The following AGTPBP1 variants were observed in gnomAD, a reference collection of about 807,000 sequenced individuals.
The protein encoded by AGTPBP1 is cytosolic carboxypeptidase 1.
Under a neutral mutation model 143.9 loss-of-function variants are expected in AGTPBP1, and 70 were observed. That is an observed-to-expected ratio of 0.49 (90% CI 0.40 to 0.59). The LOEUF (loss-of-function observed/expected upper bound fraction) is 0.59. AGTPBP1 is among the 20% of genes least tolerant of loss of function. AGTPBP1 has a pLI of 0.00. For missense variants in AGTPBP1, 1,229 were observed against 1,464.5 expected (o/e 0.84, Z 2.62); for synonymous variants, 463 against 500.2 (o/e 0.93, Z 0.99).
In AGTPBP1 at chr9:85,592,516, T is replaced by C. The variant is rs780390213; in HGVS notation, c.2568+44A>G. ...AACTAAACTCAATTTTCTTCCATTA[T>C]CTTATACATATCCATATAATACAAT... On this transcript the variant is annotated intron_variant, in intron 19 of 25. Coordinates refer to ENST00000357081, the MANE Select transcript of AGTPBP1 (RefSeq NM_001330701.2). The C allele has an allele frequency of 1.2e-5, 17 of 1,404,400 alleles. No individual in the cohort carries two copies. In the East Asian group the frequency reaches 3.9e-4, roughly 33 times the overall value. The allele number at this position is 1,404,400 out of a possible 1,614,324, so 87.0% of individuals were successfully genotyped here.
intron 23 of AGTPBP1, among the ~76,000 whole-genome samples, chr9:85,580,425 G>A (rs1398498798): frequency 6.6e-6 from 1 of 151,154 alleles, no homozygotes; most frequent in South Asian, 2.1e-4. Flanking sequence ...TTGAGATGGA[G>A]TCTCGCACTG....
chr9:85,723,640 T>A (rs946176571), intron 1 of AGTPBP1, among the ~76,000 whole-genome samples: 2 of 152,226 alleles, frequency 1.3e-5, no homozygotes, highest in African/African-American at 4.8e-5. Flanking sequence ...CCCTGACCCC[T>A]TGCGCTTCCC....
the AGTPBP1 span, among the ~76,000 whole-genome samples, chr9:85,767,593 AC>A: frequency 6.6e-6 from 1 of 151,666 alleles, no homozygotes; most frequent in Non-Finnish European, 1.5e-5. Context: ...TGATCCACCC[AC>A]CTCGGCCTCC....
chr9:85,717,816 T>G (rs1837813499), intron 1 of AGTPBP1, among the ~76,000 whole-genome samples: 1 of 152,094 alleles, frequency 6.6e-6, no homozygotes, highest in African/African-American at 2.4e-5. Flanking sequence ...CTCCTAATGC[T>G]ATCCCTCCCA....
chr9:85,579,605 C>T (rs999583306), intron 23 of AGTPBP1, among the ~76,000 whole-genome samples: 1 of 141,300 alleles, frequency 7.1e-6, no homozygotes, highest in South Asian at 2.3e-4. Flanking sequence ...GTGTGTGGGG[C>T]GAGGGGGGGG....
At chr9:85,751,535 C>T in the AGTPBP1 span, among the ~76,000 whole-genome samples, 1 of 152,242 alleles carries the variant, frequency 6.6e-6, no homozygotes, top group South Asian at 2.1e-4. Context: ...TGACTCATGG[C>T]GTCCTTCCTG....
intron 25 of AGTPBP1, among the ~76,000 whole-genome samples, chr9:85,550,235 T>C (rs1480860920): frequency 6.6e-6 from 1 of 151,804 alleles, no homozygotes; most frequent in African/African-American, 2.4e-5. Flanking sequence ...TCAGGGGATC[T>C]GGAAGGAGCT....
the AGTPBP1 span, chr9:85,781,139 C>T: frequency 4.5e-5 from 66 of 1,458,638 alleles, no homozygotes; most frequent in Non-Finnish European, 5.5e-5. Flanking sequence ...AAGAAACAAA[C>T]AAAAACATAA....
At chr9:85,797,032 G>T in the AGTPBP1 span, among the ~76,000 whole-genome samples, 1 of 152,018 alleles carries the variant, frequency 6.6e-6, no homozygotes, top group Non-Finnish European at 1.5e-5. Flanking sequence ...TGATCTGCCC[G>T]CCTCGGCCTC....
intron 2 of AGTPBP1, among the ~76,000 whole-genome samples, chr9:85,705,389 C>A (rs567321426): frequency 6.6e-6 from 1 of 151,958 alleles, no homozygotes; most frequent in South Asian, 2.1e-4. Context: ...AAGCAGGCAG[C>A]CAGGTAGCCA....
At chr9:85,643,073 G>T in intron 12 of AGTPBP1, 130 bp from the exon 13 acceptor site, 1 of 625,264 alleles carries the variant, frequency 1.6e-6, no homozygotes, top group South Asian at 2.1e-5. Context: ...AATAAATACT[G>T]CATTAATTTT....
At chr9:85,645,116 T>C (rs759621832) in intron 12 of AGTPBP1, among the ~76,000 whole-genome samples, 2 of 152,180 alleles carry the variant, frequency 1.3e-5, no homozygotes, top group African/African-American at 2.4e-5. Context: ...TATGTACTTA[T>C]ACAACCTGTA....
rs1367692957 is a variant in AGTPBP1, at chr9:85,741,932, CGGCGCTGGAGGCGGCGGA to C, written c.-209_-192del. 10 of 1,313,490 alleles carry C rather than the reference CGGCGCTGGAGGCGGCGGA, an allele frequency of 7.6e-6. No homozygotes were observed. Among genetic ancestry groups the C allele is most frequent in the Non-Finnish European group, 9.7e-6 (10 of 1,035,850 alleles). 81.4% of individuals were successfully genotyped at this position (1,313,490 alleles called of 1,614,324 possible). On this transcript the variant is annotated 5_prime_UTR_variant, in exon 1 of 26. Transcript: ENST00000357081. ...GCGGCGGCGGCGGCAGCTGCGGCGG[CGGCGCTGGAGGCGGCGGA>C]ACCTGTCCGCATCCCGGGCAACGTC...
intron 1 of AGTPBP1, among the ~76,000 whole-genome samples, chr9:85,721,558 T>G (rs541730943): frequency 2.0e-5 from 3 of 152,048 alleles, no homozygotes; most frequent in East Asian, 3.9e-4. Context: ...TTTAGTCTAT[T>G]TGTGTCTTTG....
intron 14 of AGTPBP1, among the ~76,000 whole-genome samples, chr9:85,623,229 T>A (rs1564073877): frequency 6.6e-6 from 1 of 151,916 alleles, no homozygotes; most frequent in Non-Finnish European, 1.5e-5. Context: ...CACCAGAAAC[T>A]TGGACTTGTT....
At chr9:85,714,393 C>T (rs963700032) in intron 1 of AGTPBP1, among the ~76,000 whole-genome samples, 1 of 152,140 alleles carries the variant, frequency 6.6e-6, no homozygotes, top group Non-Finnish European at 1.5e-5. Flanking sequence ...GCTTTTTCTA[C>T]TGTAATTGGT....
chr9:85,646,320 C>A lies in AGTPBP1; in HGVS notation c.1185+1G>T. The stretch of plus-strand genomic sequence containing the variant: ...AACTAATTACAGAAATTTATACTAA[C>A]CTTAAAATTTTGATCTAGGTCATCT... On this transcript the variant is annotated splice_donor_variant, in intron 12 of 25. Coordinates refer to ENST00000357081, the MANE Select transcript of AGTPBP1 (RefSeq NM_001330701.2). LOFTEE classifies it high-confidence loss of function. 6.2e-7 allele frequency: 1 copy of A among 1,608,394 alleles called. No individual in the cohort carries two copies.
At chr9:85,589,961 C>T (rs75820720) in intron 19 of AGTPBP1, among the ~76,000 whole-genome samples, 2 of 152,064 alleles carry the variant, frequency 1.3e-5, no homozygotes, top group African/African-American at 4.8e-5. Flanking sequence ...TGAAGAATCA[C>T]CCTAAGTAGA....
At chr9:85,769,543 A>G in the AGTPBP1 span, among the ~76,000 whole-genome samples, 1 of 151,744 alleles carries the variant, frequency 6.6e-6, no homozygotes, top group African/African-American at 2.4e-5. Flanking sequence ...AAAAAAAAGA[A>G]AAAAAGAACT....
Sources: gnomAD v4.1 joint callset for allele counts (sites outside exome capture counted in the v4.1 genomes callset) on GRCh38, gnomAD v4.1.1 for gene constraint, MANE v1.5 for transcripts, NCBI Gene and HGNC (gene_info 2026-07-23, HGNC 2026-07-21) for gene names.